CSNK1G1: variants seen among roughly 807,000 people sequenced by gnomAD.
CSNK1G1 encodes the protein casein kinase I isoform gamma-1.
Under a neutral mutation model 59.6 loss-of-function variants are expected in CSNK1G1, and 22 were observed. That is an observed-to-expected ratio of 0.37 (90% CI 0.26 to 0.53). The LOEUF is 0.53. Ranked by LOEUF, CSNK1G1 falls within the 20% of genes least tolerant of loss-of-function variation. CSNK1G1 has a pLI of 0.89. For synonymous variants in CSNK1G1, 179 were observed against 177.1 expected (o/e 1.01, Z -0.08); for missense variants, 384 against 519.5 (o/e 0.74, Z 2.54).
chr15:64,307,477 G>T (rs1389544931), intron 1 of CSNK1G1, among the ~76,000 whole-genome samples: 1 of 152,120 alleles, frequency 6.6e-6, no homozygotes, highest in Non-Finnish European at 1.5e-5. Context: ...ACTTTGGGAG[G>T]CTGAGGCAGG....
In CSNK1G1 at chr15:64,216,538, T is replaced by C. The variant is rs1596107806; in HGVS notation, c.444+24A>G. On this transcript the variant is annotated intron_variant, in intron 5 of 11. Transcript: ENST00000303052. This position sits in a 1 kb window ranked among gnomAD's most constrained non-coding sequence, Gnocchi z 4.6. ...TGGCTGAGGAACCAGCTTATTCTCT[T>C]CTAGAAGAGCAATTCCAACTTACCA... 6.2e-7 allele frequency: 1 copy of C among 1,612,514 alleles called. No homozygotes were observed. The highest frequency in any genetic ancestry group is 2.2e-5 in the East Asian group (1 of 44,866).
At chr15:64,312,152 C>G (rs1181051711) in intron 1 of CSNK1G1, among the ~76,000 whole-genome samples, 2 of 152,112 alleles carry the variant, frequency 1.3e-5, no homozygotes, top group Non-Finnish European at 2.9e-5. Flanking sequence ...GAGGAAGAAT[C>G]AATATCACGA....
intron 10 of CSNK1G1, among the ~76,000 whole-genome samples, chr15:64,192,797 T>G (rs1213787277): frequency 7.5e-6 from 1 of 133,048 alleles, no homozygotes; most frequent in East Asian, 2.2e-4. Flanking sequence ...GAGCTGAGAT[T>G]GTGCCACCAC....
intron 1 of CSNK1G1, among the ~76,000 whole-genome samples, chr15:64,303,679 G>A (rs1246231359): frequency 6.6e-6 from 1 of 151,498 alleles, no homozygotes; most frequent in Non-Finnish European, 1.5e-5. Context: ...TTGAACCCAG[G>A]AGACAGGTTG....
Position 64,310,116 on chromosome 15 carries a change from A to C in CSNK1G1, c.-224-9393T>G, listed in dbSNP as rs115103381. Among the ~76,000 whole-genome samples, 471 of 152,120 alleles carry C rather than the reference A, an allele frequency of 3.1e-3. 1 individual carries two copies. Among genetic ancestry groups the C allele is most frequent in the African/African-American group, 0.011 (454 of 41,488 alleles). On this transcript the variant is annotated intron_variant, in intron 1 of 11. Transcript: ENST00000303052. ...AGACAGAGAGACCCTGTCTCTCCCC[A>C]AAAAAGGGGTGGGTAGGTTTTGTTT...
intron 1 of CSNK1G1, among the ~76,000 whole-genome samples, chr15:64,327,500 C>T (rs1212739622): frequency 7.0e-6 from 1 of 143,782 alleles, no homozygotes; most frequent in African/African-American, 2.6e-5. Context: ...ACAGAAAGGA[C>T]ATCCACACCG....
chr15:64,215,056 C>T (rs867011577), intron 5 of CSNK1G1, among the ~76,000 whole-genome samples: 3 of 152,042 alleles, frequency 2.0e-5, no homozygotes, highest in Non-Finnish European at 4.4e-5. Flanking sequence ...CCACCTCAGC[C>T]TCACAAAGTG....
chr15:64,185,369 A>G (rs552305307), intron 10 of CSNK1G1, among the ~76,000 whole-genome samples: 1 of 152,074 alleles, frequency 6.6e-6, no homozygotes, highest in Admixed American at 6.5e-5. Flanking sequence ...TGCAAAAGGT[A>G]TGCTAAAAAC....
chr15:64,343,193 C>G (rs1897763601), intron 1 of CSNK1G1, among the ~76,000 whole-genome samples: 1 of 8,296 alleles, frequency 1.2e-4, no homozygotes, highest in South Asian at 1.0e-3. Flanking sequence ...GCCAGGGCAA[C>G]AAGAGCAAAA....
chr15:64,203,064 T>C lies in CSNK1G1; in HGVS notation c.1107+18A>G, dbSNP rs1441866207. 3 of 1,573,648 alleles carry C rather than the reference T, an allele frequency of 1.9e-6. No homozygotes were observed. The highest frequency in any genetic ancestry group is 1.1e-5 in the South Asian group (1 of 90,258). On this transcript the variant is annotated intron_variant, in intron 10 of 11. Coordinates refer to ENST00000303052, the MANE Select transcript of CSNK1G1 (RefSeq NM_022048.5). The stretch of plus-strand genomic sequence containing the variant: ...AGAAGAAGGGTAGTGTCTGAAAGAA[T>C]GGAGGATCAACACATACCTGATTTC...
At chr15:64,262,674 GAT>G (rs1448279532) in intron 2 of CSNK1G1, among the ~76,000 whole-genome samples, 1 of 152,192 alleles carries the variant, frequency 6.6e-6, no homozygotes, top group Non-Finnish European at 1.5e-5. Context: ...GGACAAGTAA[GAT>G]ACACTTTTCT....
intron 3 of CSNK1G1, among the ~76,000 whole-genome samples, chr15:64,253,125 G>C (rs961792700): frequency 6.6e-6 from 1 of 152,054 alleles, no homozygotes; most frequent in African/African-American, 2.4e-5. Flanking sequence ...CGGCAGAACT[G>C]TTTGAGCCCA....
intron 7 of CSNK1G1, among the ~76,000 whole-genome samples, chr15:64,205,611 C>A (rs185207342): frequency 2.2e-4 from 34 of 152,308 alleles, no homozygotes; most frequent in African/African-American, 7.9e-4. Flanking sequence ...CTTTACCTAG[C>A]TTGCTGCACT....
At chr15:64,318,613 CTT>C (rs761084189) in intron 1 of CSNK1G1, among the ~76,000 whole-genome samples, 28 of 135,608 alleles carry the variant, frequency 2.1e-4, no homozygotes, top group Admixed American at 3.7e-4. Flanking sequence ...GTGGCATGAT[CTT>C]TTTTTTTTTT....
chr15:64,283,164 A>G (rs1245428771), intron 2 of CSNK1G1, among the ~76,000 whole-genome samples: 1 of 152,178 alleles, frequency 6.6e-6, no homozygotes, highest in African/African-American at 2.4e-5. Context: ...ATGGAAAAAC[A>G]AACAAAAAGT....
chr15:64,253,564 T>A (rs550893477), intron 3 of CSNK1G1, among the ~76,000 whole-genome samples: 1 of 152,316 alleles, frequency 6.6e-6, no homozygotes, highest in African/African-American at 2.4e-5. Flanking sequence ...ATTCTATTTC[T>A]GGATAGATGC....
intron 11 of CSNK1G1, among the ~76,000 whole-genome samples, chr15:64,173,324 C>G (rs1055248424): frequency 6.6e-6 from 1 of 152,136 alleles, no homozygotes; most frequent in African/African-American, 2.4e-5. Flanking sequence ...TTTACACAGA[C>G]CATGATGGGC....
chr15:64,218,775 T>G (rs1015377748), intron 4 of CSNK1G1, among the ~76,000 whole-genome samples: 6 of 151,886 alleles, frequency 4.0e-5, no homozygotes, highest in Non-Finnish European at 5.9e-5. Flanking sequence ...GCTAGTTCAA[T>G]AAATATCTGT....
chr15:64,181,482 G>T, intron 10 of CSNK1G1: 1 of 1,441,888 alleles, frequency 6.9e-7, no homozygotes, highest in Non-Finnish European at 9.1e-7. Flanking sequence ...GATATCATAT[G>T]CCCTTGGATA....
Sources: gnomAD v4.1 joint callset for allele counts (sites outside exome capture counted in the v4.1 genomes callset) on GRCh38, gnomAD v4.1.1 for gene constraint, Gnocchi (gnomAD v3.1) non-coding constraint, MANE v1.5 for transcripts, NCBI Gene and HGNC (gene_info 2026-07-23, HGNC 2026-07-21) for gene names.